WFDC11: variants seen among roughly 807,000 people sequenced by gnomAD.
The protein encoded by WFDC11 is WAP four-disulfide core domain 11.
In WFDC11, 9 loss-of-function variants were observed where a neutral mutation model predicts 9.9. The ratio of observed to expected loss-of-function variants is 0.91; its 90% confidence interval spans 0.55 to 1.58. WFDC11 has a LOEUF of 1.58. Ranked by LOEUF, WFDC11 falls within the 40% of genes most tolerant of loss-of-function variation. WFDC11 has a pLI of 0.00. For missense variants in WFDC11, 106 were observed against 101.7 expected, an observed-to-expected ratio of 1.04 and a Z score of -0.18; for synonymous variants, 32 against 33.3, an observed-to-expected ratio of 0.96 and a Z score of 0.13.
intron 3 of WFDC11, 34 bp from the exon 4 acceptor site, chr20:45,649,433 G>A (rs1982754517): frequency 6.2e-7 from 1 of 1,608,630 alleles, no homozygotes; most frequent in Admixed American, 1.7e-5. Flanking sequence ...AAGGTTGATG[G>A]TATGTTTCAG....
At chr20:45,662,037 T>G (rs1211399553) in intron 2 of WFDC11, among the ~76,000 whole-genome samples, 5 of 152,204 alleles carry the variant, frequency 3.3e-5, no homozygotes, top group African/African-American at 7.2e-5. Context: ...ATATTGATTC[T>G]TCCTAGCCAT....
Position 45,662,624 on chromosome 20 carries a change from A to C in WFDC11, c.-52+4464T>G, listed in dbSNP as rs142266619. Among the ~76,000 whole-genome samples the C allele has an allele frequency of 6.0e-3, 909 of 152,346 alleles. 7 individuals are homozygous for C. Among genetic ancestry groups the C allele is most frequent in the African/African-American group, 0.018 (763 of 41,582 alleles). ...AGCAAATTTATTAAAAGTTTTTAGC[A>C]TGAAGCGTTGTTGAATTTTTGTCAA... On this transcript the variant is annotated intron_variant, in intron 2 of 4. Transcript: ENST00000324384.
chr20:45,653,294 G>T (rs1268071792), intron 2 of WFDC11, among the ~76,000 whole-genome samples: 1 of 152,052 alleles, frequency 6.6e-6, no homozygotes. Context: ...AAAGAAAAGA[G>T]TTTTCAACCC....
At position 45,656,910 on chromosome 20, in the gene WFDC11, G is replaced by A. The variant is rs189927735; in HGVS notation, c.-51-6259C>T. On this transcript the variant is annotated intron_variant, in intron 2 of 4. Coordinates refer to ENST00000324384, the MANE Select transcript of WFDC11 (RefSeq NM_147197.2). ...ACCATCTCACACCAGTTAGAATGGA[G>A]ATCATTAAAAAGTCCAGAAACAACA... Among the ~76,000 whole-genome samples, 249 of 152,268 alleles carry A rather than the reference G, an allele frequency of 1.6e-3. 1 individual carries two copies. Among genetic ancestry groups the A allele is most frequent in the South Asian group, 3.3e-3 (16 of 4,828 alleles).
chr20:45,663,759 A>T (rs1239492881), intron 2 of WFDC11, among the ~76,000 whole-genome samples: 2 of 152,196 alleles, frequency 1.3e-5, no homozygotes, highest in Non-Finnish European at 2.9e-5. Context: ...CTTAATCTTG[A>T]ATTCTAATTT....
intron 2 of WFDC11, among the ~76,000 whole-genome samples, chr20:45,661,444 G>A (rs1196216683): frequency 4.6e-5 from 7 of 152,008 alleles, no homozygotes; most frequent in Non-Finnish European, 8.8e-5. Flanking sequence ...TGTCAATTTT[G>A]GCTTTTGTTG....
intron 2 of WFDC11, among the ~76,000 whole-genome samples, chr20:45,651,959 C>A (rs887912176): frequency 2.6e-5 from 4 of 152,230 alleles, no homozygotes; most frequent in Non-Finnish European, 5.9e-5. Context: ...TGGGTGGAGG[C>A]TACCACAGCT....
intron 2 of WFDC11, among the ~76,000 whole-genome samples, chr20:45,660,631 G>A (rs1983036709): frequency 1.3e-5 from 2 of 151,912 alleles, no homozygotes; most frequent in East Asian, 1.9e-4. Context: ...TGTTCTCATT[G>A]TTCAATTCCC....
intron 2 of WFDC11, among the ~76,000 whole-genome samples, chr20:45,655,115 C>G (rs1982897166): frequency 3.3e-5 from 5 of 152,162 alleles, no homozygotes; most frequent in Admixed American, 2.0e-4. Flanking sequence ...CAAAGGCTGG[C>G]AGAGACACTA....
At chr20:45,650,227 C>T (rs1982772099) in intron 3 of WFDC11, among the ~76,000 whole-genome samples, 3 of 133,460 alleles carry the variant, frequency 2.2e-5, no homozygotes, top group Admixed American at 8.0e-5. Context: ...CACACACACA[C>T]ACATGTGTTT....
At chr20:45,664,870 T>C (rs1983155072) in intron 2 of WFDC11, among the ~76,000 whole-genome samples, 1 of 152,208 alleles carries the variant, frequency 6.6e-6, no homozygotes. Context: ...CATTTCAACT[T>C]TAGTGAATCT....
intron 2 of WFDC11, among the ~76,000 whole-genome samples, chr20:45,662,553 G>A (rs1044561771): frequency 2.0e-5 from 3 of 152,168 alleles, no homozygotes; most frequent in East Asian, 3.8e-4. Context: ...TTGGCTGTGG[G>A]TTTGTCATAG....
At chr20:45,661,838 A>C (rs1351562125) in intron 2 of WFDC11, among the ~76,000 whole-genome samples, 1 of 151,976 alleles carries the variant, frequency 6.6e-6, no homozygotes, top group Non-Finnish European at 1.5e-5. Flanking sequence ...GTATAGTTTG[A>C]AGTCAGGTAG....
intron 3 of WFDC11, 72 bp from the exon 4 acceptor site, chr20:45,649,471 AC>A: frequency 6.4e-7 from 1 of 1,560,010 alleles, no homozygotes; most frequent in East Asian, 2.2e-5. Context: ...GGCCTTTCAT[AC>A]GTTTAACAGT....
intron 2 of WFDC11, among the ~76,000 whole-genome samples, chr20:45,658,913 C>CCG (rs1568662819): frequency 3.9e-5 from 6 of 152,052 alleles, no homozygotes; most frequent in African/African-American, 1.4e-4. Flanking sequence ...GCCCACCCCC[C>CCG]CGTCCATGTG....
chr20:45,655,183 A>G (rs375768963), intron 2 of WFDC11, among the ~76,000 whole-genome samples: 5 of 152,384 alleles, frequency 3.3e-5, no homozygotes, highest in Admixed American at 6.5e-5. Flanking sequence ...GAAATCCTCA[A>G]TAAAATACTG....
intron 2 of WFDC11, among the ~76,000 whole-genome samples, chr20:45,658,671 C>CTT (rs1346746286): frequency 6.6e-6 from 1 of 151,792 alleles, no homozygotes; most frequent in Non-Finnish European, 1.5e-5. Flanking sequence ...TTTCATTTAT[C>CTT]TTTTGTATTT....
intron 2 of WFDC11, among the ~76,000 whole-genome samples, chr20:45,657,352 G>A (rs6104278): frequency 0.2 from 29,241 of 148,596 alleles, 3,125 homozygotes; most frequent in East Asian, 0.32. Flanking sequence ...CAAACACTGC[G>A]TGTTCTCACT....
chr20:45,650,518 C>T lies in WFDC11; in HGVS notation c.83G>A (p.Arg28Lys), dbSNP rs1159204648. The T allele has an allele frequency of 1.2e-6, 2 of 1,613,918 alleles. No individual in the cohort carries two copies. The highest frequency in any genetic ancestry group is 1.3e-5 in the African/African-American group (1 of 74,876). The change falls in exon 3 of 5, where the codon AGG (arginine) becomes AAG (lysine). Residue 28 changes from arginine (R) to lysine (K), a missense_variant. Arg to Lys is a conservative substitution (Grantham distance 26). Transcript: ENST00000324384. ...TVLLSVLGEM[R>K]KKRYDRKELL... Reference sequence around the variant, plus strand: ...CCACCTACTGTCATATCTTTTCTTCCTCATTTCTCCCAGCACAGACAGTAG... The same window carrying T: ...CCACCTACTGTCATATCTTTTCTTCTTCATTTCTCCCAGCACAGACAGTAG...
Sources: gnomAD v4.1 joint callset for allele counts (sites outside exome capture counted in the v4.1 genomes callset) on GRCh38, gnomAD v4.1.1 for gene constraint, MANE v1.5 for transcripts, NCBI Gene and HGNC (gene_info 2026-07-23, HGNC 2026-07-21) for gene names.